The following MAP1B variants were observed in gnomAD, a reference collection of about 807,000 sequenced individuals.
MAP1B encodes microtubule associated protein 1B.
In MAP1B, 12 loss-of-function variants were observed where a neutral mutation model predicts 176.1. The observed-to-expected ratio is 0.07, with a 90% CI of 0.04 to 0.11. The LOEUF (loss-of-function observed/expected upper bound fraction) is 0.11. Among genes scored for constraint, MAP1B ranks in the 10% least tolerant of loss-of-function variants. The pLI, the probability that MAP1B is intolerant of heterozygous loss-of-function variation, is 1.00. For missense variants in MAP1B, 2,523 were observed against 2,990.5 expected, an observed-to-expected ratio of 0.84 and a Z score of 3.65; for synonymous variants, 1,044 against 1,135.0, an observed-to-expected ratio of 0.92 and a Z score of 1.61.
intron 2 of MAP1B, among the ~76,000 whole-genome samples, chr5:72,126,360 A>G (rs1399924239): frequency 6.6e-6 from 1 of 152,246 alleles, no homozygotes; most frequent in Non-Finnish European, 1.5e-5. Context: ...GCAAAACATT[A>G]ATAGTCAGTG....
Position 72,165,620 on chromosome 5 carries a change from T to A in MAP1B, c.287-18123T>A, listed in dbSNP as rs931872906. Reference sequence around the variant, plus strand: ...TGACCTCTTGGGCTCAGTTTTCCCATCCACTAAATAAGAGGATGGGATGTA... The same window carrying A: ...TGACCTCTTGGGCTCAGTTTTCCCAACCACTAAATAAGAGGATGGGATGTA... On this transcript the variant is annotated intron_variant, in intron 2 of 6. Coordinates refer to ENST00000296755, the MANE Select transcript of MAP1B (RefSeq NM_005909.5). Among the ~76,000 whole-genome samples, 11 of 152,222 alleles carry A rather than the reference T, an allele frequency of 7.2e-5. No individual in the cohort carries two copies. The South Asian group carries it at 1.9e-3, about 26-fold the overall frequency.
chr5:72,123,319 T>C (rs1294795720), intron 2 of MAP1B, among the ~76,000 whole-genome samples: 1 of 152,150 alleles, frequency 6.6e-6, no homozygotes, highest in Non-Finnish European at 1.5e-5. Flanking sequence ...CTTTTTGTTT[T>C]TGAGACAGGT....
intron 1 of MAP1B, among the ~76,000 whole-genome samples, chr5:72,114,161 T>A (rs1745393689): frequency 6.6e-6 from 1 of 152,198 alleles, no homozygotes; most frequent in Admixed American, 6.5e-5. Flanking sequence ...TGAAAAGGTC[T>A]GTGGTGTGTA....
intron 4 of MAP1B, among the ~76,000 whole-genome samples, chr5:72,192,186 A>G (rs1311818394): frequency 6.6e-6 from 1 of 152,228 alleles, no homozygotes; most frequent in African/African-American, 2.4e-5. Flanking sequence ...GGATCTAGAG[A>G]CTTTTAATTG....
intron 1 of MAP1B, among the ~76,000 whole-genome samples, chr5:72,109,670 A>C (rs1199107900): frequency 6.6e-6 from 1 of 152,224 alleles, no homozygotes; most frequent in Non-Finnish European, 1.5e-5. Flanking sequence ...TCAAGGTCAC[A>C]GCACTCATAA....
intron 4 of MAP1B, among the ~76,000 whole-genome samples, chr5:72,190,813 A>G (rs1056776652): frequency 1.1e-4 from 16 of 152,196 alleles, no homozygotes; most frequent in African/African-American, 3.9e-4. Flanking sequence ...CCAGAGATAC[A>G]CTGTCTACTG....
intron 1 of MAP1B, among the ~76,000 whole-genome samples, chr5:72,107,930 G>A (rs560075414): frequency 6.6e-6 from 1 of 152,332 alleles, no homozygotes; most frequent in Admixed American, 6.5e-5. Context: ...ATAACCTTGA[G>A]GGATCTGTCA....
Position 72,195,083 on chromosome 5 carries a change from G to A in MAP1B, c.1728G>A (p.Lys576=). The change falls in exon 5 of 7, where the codon AAG becomes AAA. Residue 576 remains lysine (K), a synonymous_variant. Coordinates refer to ENST00000296755, the MANE Select transcript of MAP1B (RefSeq NM_005909.5). ...TCACAAAAGTGAATCACGTGGAAAAGCCACCCAAAGTTGAAAGCAAAGAAA... is the reference window on the plus strand; with the variant it reads ...TCACAAAAGTGAATCACGTGGAAAAACCACCCAAAGTTGAAAGCAAAGAAA... ...PEVTKVNHVE[K]PPKVESKEKV... is the part of the protein sequence containing the mutation. 1 of 1,614,040 alleles carries A rather than the reference G, an allele frequency of 6.2e-7. No individual in the cohort carries two copies. Among genetic ancestry groups the A allele is most frequent in the Non-Finnish European group, 8.5e-7 (1 of 1,180,036 alleles).
chr5:72,197,504 C>A lies in MAP1B; in HGVS notation c.4149C>A (p.Pro1383=), dbSNP rs376974397. ...ERASVSPMDE[P]VPDSESPIEK... ...CTTCAGTAAGCCCCATGGATGAGCC[C>A]GTGCCTGACTCAGAGTCTCCTATTG... Residue 1383 remains proline (P), a synonymous_variant, in exon 5 of 7, where the codon CCC becomes CCA. Coordinates refer to ENST00000296755, the MANE Select transcript of MAP1B (RefSeq NM_005909.5). The A allele has an allele frequency of 6.2e-7, 1 of 1,614,042 alleles. No homozygotes were observed. Among genetic ancestry groups the A allele is most frequent in the Non-Finnish European group, 8.5e-7 (1 of 1,180,042 alleles).
chr5:72,121,451 A>T (rs1051472928), intron 2 of MAP1B, among the ~76,000 whole-genome samples: 1 of 152,244 alleles, frequency 6.6e-6, no homozygotes, highest in Non-Finnish European at 1.5e-5. Context: ...GTATATGGGC[A>T]GTTTTGTTTT....
rs368462126 is a variant in MAP1B, at chr5:72,196,215, C to A, written c.2860C>A (p.Pro954Thr). 5.6e-6 allele frequency: 9 copies of A among 1,613,222 alleles called. No individual in the cohort carries two copies. Among genetic ancestry groups the A allele is most frequent in the African/African-American group, 1.3e-5 (1 of 74,802 alleles). ...EKAETEEAEE[P>T]EEDGEEHVCV... ...GGCAGAAACTGAGGAGGCTGAGGAG[C>A]CAGAAGAGGATGGGGAGGAACACGT... The change falls in exon 5 of 7, where the codon CCA becomes ACA. Residue 954 changes from proline to threonine, a missense_variant. Physicochemically the swap from Pro to Thr is conservative, Grantham distance 38. Coordinates refer to ENST00000296755, the MANE Select transcript of MAP1B (RefSeq NM_005909.5). This position sits in a 1 kb window ranked among gnomAD's most constrained non-coding sequence, Gnocchi z 5.3.
chr5:72,120,410 C>T (rs1745505878), intron 2 of MAP1B, among the ~76,000 whole-genome samples: 1 of 151,306 alleles, frequency 6.6e-6, no homozygotes, highest in Admixed American at 6.6e-5. Flanking sequence ...ATCAGTTCCA[C>T]CTCATAGTTT....
chr5:72,188,513 A>C (rs1746961451), intron 4 of MAP1B, among the ~76,000 whole-genome samples: 1 of 152,256 alleles, frequency 6.6e-6, no homozygotes, highest in Non-Finnish European at 1.5e-5. Flanking sequence ...AAAACCAGAC[A>C]AAGGAAATAT....
chr5:72,181,782 T>C (rs1746771804), intron 2 of MAP1B, among the ~76,000 whole-genome samples: 1 of 150,334 alleles, frequency 6.7e-6, no homozygotes, highest in Non-Finnish European at 1.5e-5. Context: ...AGTGCAATAG[T>C]GCAATCTCGG....
At chr5:72,179,342 G>T (rs1746718653) in intron 2 of MAP1B, among the ~76,000 whole-genome samples, 1 of 152,226 alleles carries the variant, frequency 6.6e-6, no homozygotes. Context: ...GTGTCGAATG[G>T]AGAATGCGGA....
chr5:72,179,040 C>T (rs560928387), intron 2 of MAP1B, among the ~76,000 whole-genome samples: 4 of 152,126 alleles, frequency 2.6e-5, no homozygotes, highest in Admixed American at 1.3e-4. Flanking sequence ...ACAAAAGTCT[C>T]ATTGTCTGCA....
intron 4 of MAP1B, chr5:72,193,353 T>C (rs1031005664): frequency 1.3e-5 from 5 of 385,722 alleles, no homozygotes; most frequent in African/African-American, 2.1e-5. Flanking sequence ...TTTTTTTTTT[T>C]TTTTTTTGCC....
At chr5:72,176,306 G>A (rs1746653878) in intron 2 of MAP1B, among the ~76,000 whole-genome samples, 1 of 152,174 alleles carries the variant, frequency 6.6e-6, no homozygotes, top group South Asian at 2.1e-4. Context: ...GAGAATCTTG[G>A]CATCACAGCT....
At position 72,195,853 on chromosome 5, in the gene MAP1B, C is replaced by T; in HGVS notation, c.2498C>T (p.Pro833Leu). Reference protein sequence around the residue: ...LEAERSLMSSPEDLTKDFEEL... With the variant: ...LEAERSLMSSLEDLTKDFEEL... ...GCTGAGAGGTCCCTTATGTCATCTC[C>T]TGAGGATCTAACCAAGGACTTTGAA... The change falls in exon 5 of 7, where the codon CCT becomes CTT. Residue 833 changes from proline to leucine, a missense_variant. Physicochemically the swap from Pro to Leu is moderately conservative, Grantham distance 98 (BLOSUM62 -3). This residue lies in a region of MAP1B where 1,925 missense variants were observed against 2,126.0 expected (regional missense o/e 0.91). Coordinates refer to ENST00000296755, the MANE Select transcript of MAP1B (RefSeq NM_005909.5). 6.2e-7 allele frequency: 1 copy of T among 1,614,242 alleles called. No homozygotes were observed. The highest frequency in any genetic ancestry group is 8.5e-7 in the Non-Finnish European group (1 of 1,180,044).
Sources: allele counts gnomAD v4.1 joint callset (sites outside exome capture counted in the v4.1 genomes callset), GRCh38; gene constraint gnomAD v4.1.1; regional missense constraint gnomAD v4.1.1; non-coding constraint Gnocchi (gnomAD v3.1); transcripts MANE v1.5; gene names NCBI Gene and HGNC (gene_info 2026-07-23, HGNC 2026-07-21).